The following GRIK2 variants were observed in gnomAD, a reference collection of about 807,000 sequenced individuals.
GRIK2 encodes glutamate ionotropic receptor kainate type subunit 2, also known as glutamate receptor ionotropic, kainate 2.
GRIK2 carries 32 observed loss-of-function variants against 100.3 expected under a neutral mutation model. The ratio of observed to expected loss-of-function variants is 0.32; its 90% CI spans 0.24 to 0.43. GRIK2 has a LOEUF of 0.43. Among genes scored for constraint, GRIK2 ranks in the 20% least tolerant of loss-of-function variants. GRIK2 has a pLI of 1.00. For synonymous variants in GRIK2, 417 were observed against 389.4 expected, an observed-to-expected ratio of 1.07 and a Z score of -0.83; for missense variants, 843 against 1,114.9, an observed-to-expected ratio of 0.76 and a Z score of 3.47.
At chr6:101,749,332 C>T (rs1776635195) in intron 7 of GRIK2, among the ~76,000 whole-genome samples, 1 of 151,978 alleles carries the variant, frequency 6.6e-6, no homozygotes, top group African/African-American at 2.4e-5. Context: ...TGGTCTTGAA[C>T]TCCTGACCTT....
At chr6:101,553,057 G>A (rs904737897) in intron 2 of GRIK2, among the ~76,000 whole-genome samples, 1 of 152,098 alleles carries the variant, frequency 6.6e-6, no homozygotes, top group Non-Finnish European at 1.5e-5. Context: ...AACAGTCAAG[G>A]CCAGTTCTCT....
At chr6:101,908,920 A>G (rs186006542) in intron 12 of GRIK2, among the ~76,000 whole-genome samples, 1 of 151,400 alleles carries the variant, frequency 6.6e-6, no homozygotes, top group Non-Finnish European at 1.5e-5. Flanking sequence ...TAACTGAGGC[A>G]CTGAGTGGTT....
intron 2 of GRIK2, among the ~76,000 whole-genome samples, chr6:101,593,182 G>A (rs549024406): frequency 1.3e-3 from 202 of 151,910 alleles, no homozygotes; most frequent in Non-Finnish European, 2.2e-3. Flanking sequence ...ATTTAGAATA[G>A]GAAGTAACTG....
chr6:101,652,725 A>C (rs1265884688), intron 4 of GRIK2, among the ~76,000 whole-genome samples: 2 of 152,196 alleles, frequency 1.3e-5, no homozygotes, highest in Admixed American at 1.3e-4. Flanking sequence ...AATTGTGACC[A>C]ACTGTAACAA....
intron 2 of GRIK2, among the ~76,000 whole-genome samples, chr6:101,485,378 G>A (rs971847510): frequency 3.3e-5 from 5 of 152,026 alleles, no homozygotes; most frequent in Admixed American, 2.0e-4. Flanking sequence ...ATTATTTTTA[G>A]GCATAATAAA....
intron 4 of GRIK2, among the ~76,000 whole-genome samples, chr6:101,662,106 A>G (rs958460510): frequency 1.1e-4 from 16 of 152,234 alleles, no homozygotes; most frequent in Non-Finnish European, 5.9e-5. Context: ...CCCTGGCTGC[A>G]GTTGATTATA....
intron 2 of GRIK2, among the ~76,000 whole-genome samples, chr6:101,592,588 C>CATATATATATATATATATATATATATAT (rs3056161): frequency 4.2e-4 from 43 of 101,938 alleles, no homozygotes; most frequent in South Asian, 6.7e-4. Context: ...ACTAATATCA[C>CATATATATATATATATATATATATATAT]ATATATATAT....
At chr6:101,595,716 G>GTATATATATATATATATATATATATA (rs751726535) in intron 2 of GRIK2, among the ~76,000 whole-genome samples, 1 of 133,764 alleles carries the variant, frequency 7.5e-6, no homozygotes, top group Admixed American at 7.3e-5. Flanking sequence ...GTGTGTGTGT[G>GTATATATATATATATATATATATATA]TGTATATATA....
chr6:101,795,009 G>C (rs539300043), intron 7 of GRIK2, among the ~76,000 whole-genome samples: 2 of 151,992 alleles, frequency 1.3e-5, no homozygotes, highest in East Asian at 1.9e-4. Flanking sequence ...GGAATTACAG[G>C]CCCACAGCTA....
intron 14 of GRIK2, among the ~76,000 whole-genome samples, chr6:101,934,707 GT>G (rs1790510020): frequency 6.6e-6 from 1 of 151,846 alleles, no homozygotes; most frequent in Non-Finnish European, 1.5e-5. Flanking sequence ...ATTGTTGTCC[GT>G]TTTTATTTAG....
intron 7 of GRIK2, among the ~76,000 whole-genome samples, chr6:101,777,478 T>A (rs1778819079): frequency 6.6e-6 from 1 of 152,172 alleles, no homozygotes; most frequent in African/African-American, 2.4e-5. Flanking sequence ...AGAACTAACA[T>A]TTGTATTTTT....
chr6:101,692,172 G>T (rs1028604034), intron 7 of GRIK2, among the ~76,000 whole-genome samples: 1 of 151,184 alleles, frequency 6.6e-6, no homozygotes, highest in Non-Finnish European at 1.5e-5. Context: ...CTATTTGCTT[G>T]TCTTAATTAA....
chr6:101,791,598 T>TG (rs1216869385), intron 7 of GRIK2, among the ~76,000 whole-genome samples: 2 of 152,164 alleles, frequency 1.3e-5, no homozygotes, highest in Admixed American at 1.3e-4. Flanking sequence ...TCTTTTTTTT[T>TG]ACATTTGCTG....
chr6:101,803,826 A>G (rs755354359), intron 9 of GRIK2, among the ~76,000 whole-genome samples: 1 of 151,922 alleles, frequency 6.6e-6, no homozygotes, highest in Non-Finnish European at 1.5e-5. Flanking sequence ...TCTGTGCTCC[A>G]TTGTGGCTTA....
At chr6:102,045,573 T>C (rs898369250) in intron 15 of GRIK2, among the ~76,000 whole-genome samples, 3 of 151,970 alleles carry the variant, frequency 2.0e-5, no homozygotes, top group African/African-American at 7.2e-5. Flanking sequence ...GAAGAGAGGT[T>C]AAAAATCATC....
At chr6:101,661,813 A>G (rs1769638741) in intron 4 of GRIK2, among the ~76,000 whole-genome samples, 1 of 151,968 alleles carries the variant, frequency 6.6e-6, no homozygotes, top group African/African-American at 2.4e-5. Flanking sequence ...CCCACTGTCT[A>G]ACTAGTCCCA....
At chr6:101,831,163 A>G (rs1183586062) in intron 10 of GRIK2, among the ~76,000 whole-genome samples, 1 of 152,162 alleles carries the variant, frequency 6.6e-6, no homozygotes, top group African/African-American at 2.4e-5. Context: ...TATGATAGTT[A>G]TTCCTTTTAT....
intron 14 of GRIK2, among the ~76,000 whole-genome samples, chr6:101,955,990 T>C (rs1187550848): frequency 1.3e-5 from 2 of 152,086 alleles, no homozygotes; most frequent in Non-Finnish European, 2.9e-5. Context: ...GGTTAGGTCA[T>C]TGATATGAGG....
intron 15 of GRIK2, among the ~76,000 whole-genome samples, chr6:102,050,425 G>A (rs1274462051): frequency 2.6e-5 from 4 of 152,010 alleles, no homozygotes; most frequent in Admixed American, 6.6e-5. Flanking sequence ...AGGCCAAGGC[G>A]GGTGGATCAC....
Sources: allele counts gnomAD v4.1 joint callset (sites outside exome capture counted in the v4.1 genomes callset), GRCh38; gene constraint gnomAD v4.1.1; transcripts MANE v1.5; gene names NCBI Gene and HGNC (gene_info 2026-07-23, HGNC 2026-07-21).